Variants in PACRG observed in about 807,000 individuals in gnomAD.
The protein encoded by PACRG is parkin coregulated gene protein.
A neutral mutation model predicts 29.7 loss-of-function variants in PACRG; 29 were observed. The ratio of observed to expected loss-of-function variants is 0.98; its 90% CI spans 0.73 to 1.33. The LOEUF is 1.33. Ranked by LOEUF, PACRG falls within the 40% of genes most tolerant of loss-of-function variation. The probability of loss-of-function intolerance (pLI) is 0.00; values close to 1 mark genes in which losing one functional copy is unlikely to be tolerated. For synonymous variants in PACRG, 116 were observed against 118.7 expected, an observed-to-expected ratio of 0.98 and a Z score of 0.15; for missense variants, 279 against 316.2, an observed-to-expected ratio of 0.88 and a Z score of 0.89.
Position 163,151,728 on chromosome 6 carries a change from G to A in PACRG, c.613+62320G>A, listed in dbSNP as rs547376903. Among the ~76,000 whole-genome samples the A allele has an allele frequency of 6.6e-5, 10 of 152,204 alleles. No individual in the cohort carries two copies. The East Asian group carries it at 9.7e-4, about 15-fold the overall frequency. ...TCATGAATAAAAGTTGAGTTTACCC[G>A]CTAAAAAGTATCCTTTGATCCAAAG... On this transcript the variant is annotated intron_variant, in intron 4 of 4. Transcript: ENST00000366888.
At chr6:163,019,207 A>T (rs1255847769) in intron 2 of PACRG, among the ~76,000 whole-genome samples, 1 of 152,142 alleles carries the variant, frequency 6.6e-6, no homozygotes, top group Admixed American at 6.5e-5. Flanking sequence ...ATAATTTTGT[A>T]AGGGATTTGA....
At chr6:162,812,767 A>C (rs1370001557) in intron 1 of PACRG, among the ~76,000 whole-genome samples, 1 of 152,110 alleles carries the variant, frequency 6.6e-6, no homozygotes, top group East Asian at 1.9e-4. Context: ...TGTTAAATAC[A>C]TGTGGTTATT....
intron 2 of PACRG, among the ~76,000 whole-genome samples, chr6:162,827,106 G>T (rs1441573545): frequency 1.3e-5 from 2 of 152,010 alleles, no homozygotes; most frequent in Non-Finnish European, 1.5e-5. Flanking sequence ...TGCACAAAAA[G>T]ACTTCATTTA....
chr6:162,776,928 G>A (rs1346556943), intron 1 of PACRG, among the ~76,000 whole-genome samples: 1 of 152,110 alleles, frequency 6.6e-6, no homozygotes, highest in Admixed American at 6.5e-5. Context: ...TTGGACTTTG[G>A]GGAAAGGGTG....
chr6:163,013,262 G>GTTTATTTA (rs145596005), intron 2 of PACRG, among the ~76,000 whole-genome samples: 3,782 of 150,172 alleles, frequency 0.025, 76 homozygotes, highest in African/African-American at 0.048. Context: ...TTGACTTAAA[G>GTTTATTTA]TTTATTTATT....
chr6:162,899,955 G>A (rs978656149), intron 2 of PACRG, among the ~76,000 whole-genome samples: 7 of 152,110 alleles, frequency 4.6e-5, no homozygotes, highest in Non-Finnish European at 1.5e-5. Context: ...ACCCGTCACC[G>A]TCACCGCTGT....
chr6:163,009,790 A>G (rs1198971997), intron 2 of PACRG, among the ~76,000 whole-genome samples: 1 of 152,252 alleles, frequency 6.6e-6, no homozygotes, highest in Non-Finnish European at 1.5e-5. Flanking sequence ...AGCTGGCAAT[A>G]GAATTTTAAA....
intron 2 of PACRG, among the ~76,000 whole-genome samples, chr6:162,940,941 G>A (rs1005917988): frequency 2.0e-5 from 3 of 152,054 alleles, no homozygotes; most frequent in African/African-American, 7.2e-5. Context: ...ATGAAATTAC[G>A]TGGAAAAATG....
At chr6:162,798,672 C>T (rs1270068642) in intron 1 of PACRG, among the ~76,000 whole-genome samples, 1 of 152,138 alleles carries the variant, frequency 6.6e-6, no homozygotes, top group East Asian at 1.9e-4. Context: ...CTAAAGGAGG[C>T]TGTGAAGTGG....
At chr6:162,845,236 C>T (rs1212668529) in intron 2 of PACRG, among the ~76,000 whole-genome samples, 3 of 152,032 alleles carry the variant, frequency 2.0e-5, no homozygotes, top group African/African-American at 7.2e-5. Context: ...AAAAAACAAA[C>T]AAACAAAACC....
chr6:162,817,785 A>G lies in PACRG; in HGVS notation c.291+3504A>G, dbSNP rs376376849. ...CTGCTACCCAGATAGATAGAAGGCTATCACTGTGTTAGAATTTTTATTATT... is the reference window on the plus strand; with the variant it reads ...CTGCTACCCAGATAGATAGAAGGCTGTCACTGTGTTAGAATTTTTATTATT... On this transcript the variant is annotated intron_variant, in intron 2 of 4. Transcript: ENST00000366888. Among the ~76,000 whole-genome samples the G allele has an allele frequency of 1.4e-3, 210 of 152,346 alleles. 1 individual carries two copies. Among genetic ancestry groups the G allele is most frequent in the African/African-American group, 4.0e-3 (166 of 41,584 alleles).
At chr6:163,216,532 G>A (rs1781371090) in intron 4 of PACRG, among the ~76,000 whole-genome samples, 1 of 152,200 alleles carries the variant, frequency 6.6e-6, no homozygotes, top group Non-Finnish European at 1.5e-5. Flanking sequence ...AGCAAGGATA[G>A]CTGATAAATA....
intron 4 of PACRG, among the ~76,000 whole-genome samples, chr6:163,169,478 G>A (rs1778965300): frequency 6.6e-6 from 1 of 152,206 alleles, no homozygotes; most frequent in South Asian, 2.1e-4. Context: ...CGAGAGGTGC[G>A]GGTTGGGAAT....
At chr6:163,298,363 C>T (rs908646707) in intron 4 of PACRG, among the ~76,000 whole-genome samples, 6 of 151,952 alleles carry the variant, frequency 3.9e-5, no homozygotes, top group African/African-American at 9.7e-5. Context: ...ATTTTATAGA[C>T]GCTGGATTGG....
intron 2 of PACRG, among the ~76,000 whole-genome samples, chr6:162,885,255 G>T (rs1794232982): frequency 6.7e-6 from 1 of 148,332 alleles, no homozygotes. Context: ...TTTTCTGGGA[G>T]CTTTCTTTCT....
intron 1 of PACRG, among the ~76,000 whole-genome samples, chr6:162,797,611 T>C (rs557740171): frequency 6.6e-6 from 1 of 152,374 alleles, no homozygotes; most frequent in East Asian, 1.9e-4. Flanking sequence ...GTAGCTCTTG[T>C]ATTTCAAAAC....
rs112196232 is a variant in PACRG at position 163,246,024 on chromosome 6, G to A, written c.614-68803G>A. 1.8e-3 allele frequency among the ~76,000 whole-genome samples: 270 copies of A among 152,150 alleles called. 2 individuals carry two copies. The highest frequency in any genetic ancestry group is 6.8e-3 in the Middle Eastern group (2 of 294). On this transcript the variant is annotated intron_variant, in intron 4 of 4. Transcript: ENST00000366888. ...TGCCTCTTGCCTGGATTGCTGCAAC[G>A]GCTTCTAAAAAGTCCCTCTGCTTCC...
At chr6:162,924,901 A>G (rs1481405322) in intron 2 of PACRG, among the ~76,000 whole-genome samples, 1 of 152,152 alleles carries the variant, frequency 6.6e-6, no homozygotes, top group African/African-American at 2.4e-5. Context: ...AATAATTAAT[A>G]AAATAGATAG....
chr6:163,006,354 C>T (rs868450997), intron 2 of PACRG, among the ~76,000 whole-genome samples: 10 of 150,540 alleles, frequency 6.6e-5, no homozygotes, highest in African/African-American at 1.7e-4. Context: ...GTTCTATTTT[C>T]GTAAATGTTC....
Sources: gnomAD v4.1 joint callset for allele counts (sites outside exome capture counted in the v4.1 genomes callset) on GRCh38, gnomAD v4.1.1 for gene constraint, MANE v1.5 for transcripts, NCBI Gene and HGNC (gene_info 2026-07-23, HGNC 2026-07-21) for gene names.